The following TSC22D1 variants were observed in gnomAD, a reference collection of about 807,000 sequenced individuals.
TSC22D1 encodes TSC22 domain family protein 1.
Under a neutral mutation model 74.2 loss-of-function variants are expected in TSC22D1, and 9 were observed. That is an observed-to-expected ratio of 0.12 (90% CI 0.07 to 0.21). TSC22D1 has a LOEUF of 0.21. Among genes scored for constraint, TSC22D1 ranks in the 10% least tolerant of loss-of-function variants. The pLI is 1.00. For missense variants in TSC22D1, 1,427 were observed against 1,304.7 expected, an observed-to-expected ratio of 1.09 and a Z score of -1.44; for synonymous variants, 586 against 492.5, an observed-to-expected ratio of 1.19 and a Z score of -2.51.
At chr13:44,545,582 G>GAA (rs199880936) in intron 1 of TSC22D1, among the ~76,000 whole-genome samples, 12 of 116,964 alleles carry the variant, frequency 1.0e-4, no homozygotes, top group African/African-American at 3.1e-4. Context: ...ATAAGGTACT[G>GAA]AAAAAAAAAA....
chr13:44,444,396 T>C (rs936079773), intron 1 of TSC22D1, among the ~76,000 whole-genome samples: 3 of 150,086 alleles, frequency 2.0e-5, no homozygotes, highest in African/African-American at 7.4e-5. Context: ...ATACTGCTAG[T>C]TTGGATGAAA....
At chr13:44,528,906 A>C (rs1315425529) in intron 1 of TSC22D1, among the ~76,000 whole-genome samples, 9 of 152,080 alleles carry the variant, frequency 5.9e-5, no homozygotes, top group Non-Finnish European at 1.3e-4. Context: ...TTCCTTGAAT[A>C]ATCTATCAAA....
At chr13:44,494,298 C>T (rs2137965617) in intron 1 of TSC22D1, among the ~76,000 whole-genome samples, 1 of 137,696 alleles carries the variant, frequency 7.3e-6, no homozygotes, top group East Asian at 2.2e-4. Context: ...ATCGCTTGAA[C>T]CCAAGAGGTG....
At chr13:44,571,590 G>A (rs1344739385) in intron 1 of TSC22D1, among the ~76,000 whole-genome samples, 26 of 152,080 alleles carry the variant, frequency 1.7e-4, no homozygotes, top group Admixed American at 1.7e-3. Flanking sequence ...ACATAATATA[G>A]CTGTTTTTAT....
Position 44,573,221 on chromosome 13 carries a change from G to A in TSC22D1, c.2854C>T (p.Leu952Phe). 3 of 1,614,230 alleles carry A rather than the reference G, an allele frequency of 1.9e-6. No individual in the cohort carries two copies. The highest frequency in any genetic ancestry group is 2.5e-6 in the Non-Finnish European group (3 of 1,180,048). ...SSSSLAASAS[L>F]FPLKVLPLTT... ...AGCGGTAGCACCTTCAACGGGAAAA[G>A]AGAAGCAGAGGCTGCTAGGCTGCTG... Residue 952 changes from leucine (L) to phenylalanine (F), a missense_variant, in exon 1 of 3, where the codon CTT becomes TTT. By Grantham distance (22) the Leu-to-Phe change is conservative. Coordinates refer to ENST00000458659, the MANE Select transcript of TSC22D1 (RefSeq NM_183422.4).
chr13:44,436,831 C>G (rs1467557268), intron 1 of TSC22D1: 9 of 1,342,052 alleles, frequency 6.7e-6, no homozygotes, highest in Non-Finnish European at 7.6e-6. Flanking sequence ...TTCCCAGATC[C>G]GCAGCCGGGC....
At chr13:44,557,515 G>A (rs1053541795) in intron 1 of TSC22D1, among the ~76,000 whole-genome samples, 3 of 152,224 alleles carry the variant, frequency 2.0e-5, no homozygotes, top group African/African-American at 7.2e-5. Flanking sequence ...AAAAGGACAA[G>A]CTAAATCCTA....
intron 1 of TSC22D1, among the ~76,000 whole-genome samples, chr13:44,524,338 C>G (rs902916366): frequency 1.3e-5 from 2 of 151,194 alleles, no homozygotes; most frequent in South Asian, 2.1e-4. Flanking sequence ...GAACCGAGAT[C>G]ACAGGACAAT....
rs1298469090 is a variant in TSC22D1 at position 44,551,389 on chromosome 13, G to GGTGGGTGTGTGGGTGTGT, written c.2912+21773_2912+21774insACACACCCACACACCCAC. Among the ~76,000 whole-genome samples, 382 of 125,294 alleles carry GGTGGGTGTGTGGGTGTGT rather than the reference G, an allele frequency of 3.0e-3. 6 individuals carry two copies. Among genetic ancestry groups the GGTGGGTGTGTGGGTGTGT allele is most frequent in the Admixed American group, 0.013 (156 of 12,278 alleles). 82.2% of individuals were successfully genotyped at this position (125,294 alleles called of 152,430 possible). A position where few individuals can be genotyped will look rare whatever the true frequency, so the allele number is the denominator to read the frequency against. On this transcript the variant is annotated intron_variant, in intron 1 of 2. Coordinates refer to ENST00000458659, the MANE Select transcript of TSC22D1 (RefSeq NM_183422.4). ...AAAAACCCAAAACCCCAATCAGATG[G>GGTGGGTGTGTGGGTGTGT]GTGTGTGTGTGTGTGTGTGTGTGTG...
At chr13:44,498,988 T>C (rs1327345697) in intron 1 of TSC22D1, among the ~76,000 whole-genome samples, 1 of 152,248 alleles carries the variant, frequency 6.6e-6, no homozygotes, top group Non-Finnish European at 1.5e-5. Context: ...TTTCATTAAA[T>C]AAGACTGCAG....
At chr13:44,554,986 T>G (rs908324833) in intron 1 of TSC22D1, among the ~76,000 whole-genome samples, 2 of 152,166 alleles carry the variant, frequency 1.3e-5, no homozygotes, top group Non-Finnish European at 2.9e-5. Context: ...ACTTGGTTTT[T>G]GTTAGGCCAA....
intron 1 of TSC22D1, among the ~76,000 whole-genome samples, chr13:44,449,278 G>A (rs1875934399): frequency 6.6e-6 from 1 of 152,214 alleles, no homozygotes; most frequent in Non-Finnish European, 1.5e-5. Flanking sequence ...GACAGAGAAA[G>A]GGGCTCACCA....
chr13:44,434,903 G>C lies in TSC22D1; in HGVS notation c.2965-20C>G. On this transcript the variant is annotated intron_variant, in intron 2 of 2. Coordinates refer to ENST00000458659, the MANE Select transcript of TSC22D1 (RefSeq NM_183422.4). Reference sequence around the variant, plus strand: ...TAGATCCTGGAAAGAAGACAGAAAAGGTTTAACTCATTATTTGGTATTTTC... The same window carrying C: ...TAGATCCTGGAAAGAAGACAGAAAACGTTTAACTCATTATTTGGTATTTTC... 2 of 1,589,348 alleles carry C rather than the reference G, an allele frequency of 1.3e-6. No homozygotes were observed. The highest frequency in any genetic ancestry group is 2.2e-5 in the East Asian group (1 of 44,640).
chr13:44,490,930 TA>T (rs201404695), intron 1 of TSC22D1, among the ~76,000 whole-genome samples: 11 of 123,990 alleles, frequency 8.9e-5, no homozygotes, highest in Non-Finnish European at 1.1e-4. Flanking sequence ...TCCGTCTCAT[TA>T]AAAAAAATAT....
chr13:44,485,425 A>G (rs1878386338), intron 1 of TSC22D1, among the ~76,000 whole-genome samples: 1 of 152,186 alleles, frequency 6.6e-6, no homozygotes, highest in Non-Finnish European at 1.5e-5. Flanking sequence ...AACTTTGTAC[A>G]AGGTTATTAA....
intron 1 of TSC22D1, among the ~76,000 whole-genome samples, chr13:44,448,541 A>T (rs1250889983): frequency 6.6e-6 from 1 of 152,210 alleles, no homozygotes; most frequent in Admixed American, 6.5e-5. Flanking sequence ...GGTAAGCATT[A>T]ACACATTGGC....
intron 1 of TSC22D1, among the ~76,000 whole-genome samples, chr13:44,442,766 A>G (rs140636745): frequency 1.3e-5 from 2 of 151,864 alleles, no homozygotes; most frequent in African/African-American, 4.8e-5. Context: ...AAAATATAAA[A>G]TAGCTGGGCG....
chr13:44,512,751 G>C (rs374485072), intron 1 of TSC22D1, among the ~76,000 whole-genome samples: 3 of 152,156 alleles, frequency 2.0e-5, no homozygotes, highest in East Asian at 3.9e-4. Flanking sequence ...CCAGGTTCAA[G>C]CAATTCTCCT....
chr13:44,493,886 C>G (rs1471978777), intron 1 of TSC22D1, among the ~76,000 whole-genome samples: 1 of 152,162 alleles, frequency 6.6e-6, no homozygotes. Context: ...AGCTAACAAA[C>G]AGACACTTCA....
Sources: gnomAD v4.1 joint callset for allele counts (sites outside exome capture counted in the v4.1 genomes callset) on GRCh38, gnomAD v4.1.1 for gene constraint, MANE v1.5 for transcripts, NCBI Gene and HGNC (gene_info 2026-07-23, HGNC 2026-07-21) for gene names.